The following BNIP2 variants were observed in gnomAD, a reference collection of about 807,000 sequenced individuals.
The protein encoded by BNIP2 is BCL2 interacting protein 2.
In BNIP2, 36 loss-of-function variants were observed where a neutral mutation model predicts 43.4. The ratio of observed to expected loss-of-function variants is 0.83; its 90% confidence interval spans 0.64 to 1.10. The LOEUF is 1.10. Ranked by LOEUF, BNIP2 falls within the 50% of genes least tolerant of loss-of-function variation. BNIP2 has a pLI of 0.00. For synonymous variants in BNIP2, 146 were observed against 121.0 expected (o/e 1.21, Z -1.35); for missense variants, 417 against 374.1 (o/e 1.11, Z -0.95).
At chr15:59,688,681 C>G in intron 1 of BNIP2, 1 of 1,531,020 alleles carries the variant, frequency 6.5e-7, no homozygotes, top group Admixed American at 2.0e-5. Flanking sequence ...TATTAAAGCC[C>G]TGATTACTTA....
chr15:59,676,745 A>C (rs1893320324), intron 5 of BNIP2: 2 of 1,367,138 alleles, frequency 1.5e-6, no homozygotes, highest in Non-Finnish European at 2.0e-6. Flanking sequence ...CGGGCGGCAG[A>C]GTTGGGGTGT....
chr15:59,676,810 G>A, intron 5 of BNIP2: 1 of 1,532,332 alleles, frequency 6.5e-7, no homozygotes, highest in South Asian at 1.2e-5. Context: ...TGGCCCTGCA[G>A]CGCCGCTACT....
At chr15:59,687,600 T>C (rs1894105776) in intron 1 of BNIP2, among the ~76,000 whole-genome samples, 1 of 152,100 alleles carries the variant, frequency 6.6e-6, no homozygotes, top group African/African-American at 2.4e-5. Context: ...TTTTTGCTCC[T>C]GACCTCAGGT....
intron 1 of BNIP2, among the ~76,000 whole-genome samples, chr15:59,687,625 G>A (rs1894106617): frequency 6.6e-6 from 1 of 151,780 alleles, no homozygotes. Context: ...CGCCCACCTT[G>A]GCCACCCAAA....
At chr15:59,673,788 G>C (rs1304873694) in intron 5 of BNIP2, among the ~76,000 whole-genome samples, 3 of 151,990 alleles carry the variant, frequency 2.0e-5, no homozygotes, top group African/African-American at 7.2e-5. Flanking sequence ...TAGAAATTAG[G>C]ACATTAAAAC....
In BNIP2 at chr15:59,682,390, T is replaced by C. The variant is rs978166215; in HGVS notation, c.50+18A>G. On this transcript the variant is annotated intron_variant, in intron 2 of 9. Coordinates refer to ENST00000607373, the MANE Select transcript of BNIP2 (RefSeq NM_004330.4). ...AACTTTTGCTCTAAAATTGTTTTCT[T>C]TTAAAAGCATTGCTCACATCGGAAA... is the stretch of plus-strand genomic sequence containing the variant. The C allele has an allele frequency of 3.0e-5, 48 of 1,584,450 alleles. No homozygotes were observed. The highest frequency in any genetic ancestry group is 3.8e-5 in the Non-Finnish European group (45 of 1,170,118).
Position 59,679,751 on chromosome 15 carries a change from C to T in BNIP2, c.136G>A (p.Gly46Arg). 2 of 1,540,846 alleles carry T rather than the reference C, an allele frequency of 1.3e-6. No homozygotes were observed. The highest frequency in any genetic ancestry group is 8.7e-7 in the Non-Finnish European group (1 of 1,150,322). The change falls in exon 4 of 10, where the codon GGA becomes AGA. Residue 46 changes from glycine (G) to arginine (R), a missense_variant. Coordinates refer to ENST00000607373, the MANE Select transcript of BNIP2 (RefSeq NM_004330.4). ...EDQPGSLEVNGNKVRKKLMAP... is the reference protein window; with the variant it reads ...EDQPGSLEVNRNKVRKKLMAP... ...ATTAGTTTCTTTCTCACTTTATTTC[C>T]ATTAACTTCTAGTGAGCCTGGAATT...
At chr15:59,673,212 G>C (rs1893046650) in intron 5 of BNIP2, among the ~76,000 whole-genome samples, 3 of 151,636 alleles carry the variant, frequency 2.0e-5, no homozygotes, top group Non-Finnish European at 4.4e-5. Flanking sequence ...TCCGCCTCCT[G>C]GCTTCACGCG....
intron 1 of BNIP2, among the ~76,000 whole-genome samples, chr15:59,683,714 G>C (rs1482140039): frequency 6.6e-6 from 1 of 152,166 alleles, no homozygotes; most frequent in Non-Finnish European, 1.5e-5. Context: ...AGCTACTTGG[G>C]AGGCTGAGGC....
At chr15:59,688,789 C>G in intron 1 of BNIP2, 1 of 1,535,566 alleles carries the variant, frequency 6.5e-7, no homozygotes, top group Non-Finnish European at 8.7e-7. Flanking sequence ...AAATACTGAA[C>G]CATCGTAGCC....
chr15:59,674,752 A>T (rs1893160345), intron 5 of BNIP2, among the ~76,000 whole-genome samples: 1 of 152,232 alleles, frequency 6.6e-6, no homozygotes, highest in South Asian at 2.1e-4. Context: ...GTTCTGACTT[A>T]CCACTAACAT....
At chr15:59,686,148 T>C (rs1280632391) in intron 1 of BNIP2, among the ~76,000 whole-genome samples, 1 of 152,204 alleles carries the variant, frequency 6.6e-6, no homozygotes, top group Non-Finnish European at 1.5e-5. Context: ...AAAGAGATAA[T>C]TGATTCCTTC....
chr15:59,669,666 T>C (rs1892782130), intron 7 of BNIP2, among the ~76,000 whole-genome samples: 1 of 152,284 alleles, frequency 6.6e-6, no homozygotes, highest in South Asian at 2.1e-4. Flanking sequence ...AGGCCAATAC[T>C]GAATGTAAAA....
Position 59,665,514 on chromosome 15 carries a change from G to A in BNIP2, c.894-1394C>T, listed in dbSNP as rs536454927. On this transcript the variant is annotated intron_variant, in intron 9 of 9. Coordinates refer to ENST00000607373, the MANE Select transcript of BNIP2 (RefSeq NM_004330.4). The stretch of plus-strand genomic sequence containing the variant: ...AGTCCCAGCTACTCAGAAGGCTGAG[G>A]TGGAAGGATTGCTTGAGCCCTGGAG... 10 of 152,546 alleles carry A rather than the reference G, an allele frequency of 6.6e-5. No homozygotes were observed. In the East Asian group the frequency reaches 1.9e-3, roughly 29 times the overall value. 9.4% of individuals were successfully genotyped at this position (152,546 alleles called of 1,614,324 possible).
At chr15:59,676,733 T>A (rs1279680257) in intron 5 of BNIP2, 3 of 1,214,022 alleles carry the variant, frequency 2.5e-6, no homozygotes, top group Middle Eastern at 1.9e-4. Context: ...CGCGGTGCGG[T>A]GCGGGCGGCA....
chr15:59,669,236 A>T (rs921229482), intron 8 of BNIP2, 40 bp downstream of exon 8: 2 of 1,359,730 alleles, frequency 1.5e-6, no homozygotes, highest in South Asian at 1.4e-5. Context: ...ATAAATAAAT[A>T]AAAAAAATAA....
At chr15:59,674,666 A>G (rs1454929013) in intron 5 of BNIP2, among the ~76,000 whole-genome samples, 3 of 152,142 alleles carry the variant, frequency 2.0e-5, no homozygotes, top group African/African-American at 7.2e-5. Context: ...AAAAAAATCA[A>G]TCTGCTTGAC....
chr15:59,679,649 T>C lies in BNIP2; in HGVS notation c.238A>G (p.Ile80Val), dbSNP rs764974183. ...GGTGTGTCTAAGCCATCTAAGTCAATCTCCCCACTTTCATCCAAATCATCT... is the reference window on the plus strand; with the variant it reads ...GGTGTGTCTAAGCCATCTAAGTCAACCTCCCCACTTTCATCCAAATCATCT... ...LSDDLDESGEIDLDGLDTPSE... is the reference protein window; with the variant it reads ...LSDDLDESGEVDLDGLDTPSE... The change falls in exon 4 of 10, where the codon ATT (isoleucine) becomes GTT (valine). Residue 80 changes from isoleucine to valine, a missense_variant. Transcript: ENST00000607373. 6.2e-7 allele frequency: 1 copy of C among 1,613,224 alleles called. No individual in the cohort carries two copies. The highest frequency in any genetic ancestry group is 8.5e-7 in the Non-Finnish European group (1 of 1,179,560).
At chr15:59,682,598 C>A in intron 1 of BNIP2, 84 bp from the exon 2 acceptor site, 1 of 1,050,070 alleles carries the variant, frequency 9.5e-7, no homozygotes, top group Non-Finnish European at 1.4e-6. Context: ...TATATTAGTT[C>A]ATACTTGATG....
Sources: gnomAD v4.1 joint callset for allele counts (sites outside exome capture counted in the v4.1 genomes callset) on GRCh38, gnomAD v4.1.1 for gene constraint, MANE v1.5 for transcripts, NCBI Gene and HGNC (gene_info 2026-07-23, HGNC 2026-07-21) for gene names.